Variants in MOV10L1 observed in about 807,000 individuals in gnomAD.
The protein encoded by MOV10L1 is RNA helicase Mov10l1.
Under a neutral mutation model 143.8 loss-of-function variants are expected in MOV10L1, and 110 were observed. The observed-to-expected ratio is 0.76, with a 90% CI of 0.66 to 0.90. The LOEUF (loss-of-function observed/expected upper bound fraction) is 0.90. MOV10L1 is among the 40% of genes least tolerant of loss of function. The pLI, the probability that MOV10L1 is intolerant of heterozygous loss-of-function variation, is 0.00. For synonymous variants in MOV10L1, 593 were observed against 581.1 expected (o/e 1.02, Z -0.29); for missense variants, 1,406 against 1,526.8 (o/e 0.92, Z 1.32).
chr22:50,093,797 C>A (rs2147000812), intron 2 of MOV10L1: 1 of 152,414 alleles, frequency 6.6e-6, no homozygotes, highest in South Asian at 2.1e-4. Context: ...AGGCATGAGC[C>A]ACCATGCCTG....
intron 19 of MOV10L1, 55 bp downstream of exon 19, chr22:50,145,865 C>T: frequency 6.2e-7 from 1 of 1,605,880 alleles, no homozygotes; most frequent in Non-Finnish European, 8.5e-7. Context: ...AGGTCGGAGT[C>T]CTCTCCTAGC....
At chr22:50,145,124 T>C (rs1298729986) in intron 18 of MOV10L1, among the ~76,000 whole-genome samples, 4 of 151,816 alleles carry the variant, frequency 2.6e-5, no homozygotes, top group African/African-American at 9.7e-5. Context: ...GTATTTTTAG[T>C]AGAGACAGGG....
At chr22:50,128,618 C>T (rs2062583958) in intron 13 of MOV10L1, 111 bp downstream of exon 13, 1 of 626,970 alleles carries the variant, frequency 1.6e-6, no homozygotes, top group Non-Finnish European at 2.8e-6. Context: ...AATCTCGGCT[C>T]ACTGCAACCT....
chr22:50,109,465 C>G (rs2061961368), intron 5 of MOV10L1, among the ~76,000 whole-genome samples: 1 of 151,222 alleles, frequency 6.6e-6, no homozygotes, highest in Non-Finnish European at 1.5e-5. Context: ...GTCAGGGGAT[C>G]GAGACCATCC....
At chr22:50,147,837 C>A (rs1483177114) in intron 19 of MOV10L1, among the ~76,000 whole-genome samples, 1 of 152,222 alleles carries the variant, frequency 6.6e-6, no homozygotes. Context: ...TGGCAGTTTG[C>A]TGATTTCCAC....
At chr22:50,154,721 G>C (rs1390997350) in intron 22 of MOV10L1, among the ~76,000 whole-genome samples, 7 of 152,042 alleles carry the variant, frequency 4.6e-5, no homozygotes, top group Admixed American at 4.6e-4. Context: ...ATTATCCTTG[G>C]GTTTCTGATC....
intron 3 of MOV10L1, among the ~76,000 whole-genome samples, chr22:50,102,272 A>G (rs927160648): frequency 2.6e-5 from 4 of 152,270 alleles, no homozygotes; most frequent in Non-Finnish European, 5.9e-5. Flanking sequence ...AGGCTGATAC[A>G]GAGTATCTAA....
chr22:50,144,449 CTG>C (rs35911313), intron 18 of MOV10L1, among the ~76,000 whole-genome samples: 47,219 of 152,156 alleles, frequency 0.31, 7,966 homozygotes, highest in East Asian at 0.65. Context: ...CATTCTCACT[CTG>C]TGTGAGTTAT....
intron 3 of MOV10L1, among the ~76,000 whole-genome samples, chr22:50,100,099 C>G (rs1331990032): frequency 6.6e-6 from 1 of 152,012 alleles, no homozygotes; most frequent in Non-Finnish European, 1.5e-5. Context: ...TTGATTGATT[C>G]TCCTGCCTCA....
At chr22:50,130,289 A>C (rs1256353272) in intron 13 of MOV10L1, among the ~76,000 whole-genome samples, 1 of 151,958 alleles carries the variant, frequency 6.6e-6, no homozygotes, top group Non-Finnish European at 1.5e-5. Flanking sequence ...TAAATAAATA[A>C]ATAAATTTTA....
chr22:50,137,977 A>G (rs1055947077), intron 15 of MOV10L1, among the ~76,000 whole-genome samples: 10 of 151,888 alleles, frequency 6.6e-5, no homozygotes, highest in Non-Finnish European at 1.2e-4. Context: ...ATGGCTTAAC[A>G]TTCCAAAAAT....
In MOV10L1 at chr22:50,144,147, C is replaced by T; in HGVS notation, c.2409C>T (p.Asn803=). The T allele has an allele frequency of 6.2e-7, 1 of 1,613,616 alleles. No homozygotes were observed. The highest frequency in any genetic ancestry group is 8.5e-7 in the Non-Finnish European group (1 of 1,179,504). ...DSRILVCAPS[N]SAADLVCLRL... is the part of the protein sequence containing the mutation. The stretch of plus-strand genomic sequence containing the variant: ...GGATTTTAGTCTGTGCGCCCTCCAA[C>T]AGTGCTGCTGACCTCGTGTGTCTGC... The change falls in exon 18 of 27, where the codon AAC becomes AAT. Residue 803 remains asparagine (N), a synonymous_variant. Transcript: ENST00000262794.
At chr22:50,144,892 T>A (rs555240055) in intron 18 of MOV10L1, among the ~76,000 whole-genome samples, 1 of 152,158 alleles carries the variant, frequency 6.6e-6, no homozygotes, top group Non-Finnish European at 1.5e-5. Context: ...GGTTTGGTTT[T>A]AAGTATTCCT....
intron 18 of MOV10L1, among the ~76,000 whole-genome samples, chr22:50,144,731 G>A (rs369600763): frequency 2.0e-5 from 3 of 151,848 alleles, no homozygotes; most frequent in East Asian, 1.9e-4. Flanking sequence ...ACAGGCACCC[G>A]CCACTGCGCC....
intron 16 of MOV10L1, 146 bp from the exon 17 acceptor site, chr22:50,142,897 C>T: frequency 1.4e-6 from 1 of 690,392 alleles, no homozygotes; most frequent in East Asian, 2.7e-5. Flanking sequence ...CATCTTACCC[C>T]TGGTCACACT....
intron 1 of MOV10L1, chr22:50,090,651 T>C (rs2062409146): frequency 9.3e-7 from 1 of 1,074,090 alleles, no homozygotes; most frequent in African/African-American, 1.6e-5. Flanking sequence ...CCGGATGCCC[T>C]CACCGTTCCT....
intron 9 of MOV10L1, among the ~76,000 whole-genome samples, chr22:50,118,566 C>G (rs2062246805): frequency 6.6e-6 from 1 of 152,154 alleles, no homozygotes; most frequent in Non-Finnish European, 1.5e-5. Flanking sequence ...TCAAATGTGT[C>G]TCTCTGTGCT....
intron 13 of MOV10L1, among the ~76,000 whole-genome samples, chr22:50,129,940 C>G (rs956490239): frequency 6.6e-6 from 1 of 152,074 alleles, no homozygotes; most frequent in Non-Finnish European, 1.5e-5. Flanking sequence ...ATAAACTATT[C>G]TTAGGTACAT....
chr22:50,090,871 T>G, intron 1 of MOV10L1: 1 of 281,656 alleles, frequency 3.6e-6, no homozygotes, highest in Non-Finnish European at 7.0e-6. Context: ...GAGGGGGGGT[T>G]CGCCATGTTG....
Sources: allele counts gnomAD v4.1 joint callset (sites outside exome capture counted in the v4.1 genomes callset), GRCh38; gene constraint gnomAD v4.1.1; transcripts MANE v1.5; gene names NCBI Gene and HGNC (gene_info 2026-07-23, HGNC 2026-07-21).